DSCAML1: variants seen among roughly 807,000 people sequenced by gnomAD.
DSCAML1 encodes the protein DS cell adhesion molecule like 1.
In DSCAML1, 38 loss-of-function variants were observed where a neutral mutation model predicts 200.5. The ratio of observed to expected loss-of-function variants is 0.19; its 90% CI spans 0.15 to 0.25. The LOEUF (loss-of-function observed/expected upper bound fraction) is 0.25, where lower values mean the gene tolerates loss of function less well. DSCAML1 is among the 10% of genes least tolerant of loss of function. The pLI is 1.00. For synonymous variants in DSCAML1, 1,215 were observed against 1,165.0 expected, an observed-to-expected ratio of 1.04 and a Z score of -0.87; for missense variants, 2,223 against 2,858.8, an observed-to-expected ratio of 0.78 and a Z score of 5.07.
chr11:117,494,066 C>G (rs1447578714), intron 11 of DSCAML1, among the ~76,000 whole-genome samples: 1 of 152,212 alleles, frequency 6.6e-6, no homozygotes, highest in Admixed American at 6.5e-5. Flanking sequence ...TCTCCAAACA[C>G]AGCCCTAAGA....
intron 3 of DSCAML1, among the ~76,000 whole-genome samples, chr11:117,769,001 G>C (rs1343827330): frequency 2.0e-5 from 3 of 147,940 alleles, no homozygotes; most frequent in African/African-American, 7.5e-5. Context: ...ACTTGAACCT[G>C]GGGGGTGGAG....
At chr11:117,789,361 C>T (rs2055417646) in intron 1 of DSCAML1, among the ~76,000 whole-genome samples, 1 of 152,158 alleles carries the variant, frequency 6.6e-6, no homozygotes, top group Non-Finnish European at 1.5e-5. Context: ...TCCAGGGAGT[C>T]AGCTCAGACA....
intron 14 of DSCAML1, among the ~76,000 whole-genome samples, chr11:117,473,534 C>T (rs1428134170): frequency 1.3e-5 from 2 of 151,958 alleles, no homozygotes; most frequent in Non-Finnish European, 2.9e-5. Context: ...AACAGAAAAA[C>T]GTAATGCCTG....
intron 21 of DSCAML1, among the ~76,000 whole-genome samples, chr11:117,443,405 G>A (rs528012863): frequency 2.0e-5 from 3 of 152,336 alleles, no homozygotes; most frequent in African/African-American, 4.8e-5. Context: ...TTCACAGCAC[G>A]CGCTCCGTAA....
intron 3 of DSCAML1, among the ~76,000 whole-genome samples, chr11:117,581,638 G>A (rs1253901979): frequency 9.2e-5 from 14 of 152,240 alleles, no homozygotes; most frequent in Non-Finnish European, 1.3e-4. Flanking sequence ...AGATCCATGC[G>A]TTACTTTTAC....
upstream of DSCAML1, chr11:117,797,328 G>A: frequency 4.0e-6 from 5 of 1,263,260 alleles, no homozygotes; most frequent in Admixed American, 4.2e-5. Context: ...AGCGCCGCGC[G>A]AGCCCGGAGC....
chr11:117,777,265 G>A (rs1436357086), intron 2 of DSCAML1, among the ~76,000 whole-genome samples: 1 of 152,208 alleles, frequency 6.6e-6, no homozygotes, highest in Non-Finnish European at 1.5e-5. Context: ...GATTGTAAAA[G>A]CCTTGAGGGC....
chr11:117,548,015 TGCC>T (rs1179893916), intron 3 of DSCAML1, among the ~76,000 whole-genome samples: 2 of 152,226 alleles, frequency 1.3e-5, no homozygotes, highest in East Asian at 3.9e-4. Context: ...CTGCCTTATG[TGCC>T]GCTTCACTGC....
intron 8 of DSCAML1, among the ~76,000 whole-genome samples, chr11:117,513,058 A>T (rs569450707): frequency 9.2e-5 from 14 of 152,228 alleles, no homozygotes; most frequent in Non-Finnish European, 1.6e-4. Context: ...CTTGCCAGTG[A>T]GGGCTGGCGC....
rs1198765803 is a variant in DSCAML1, at chr11:117,780,319, G to A, written c.364+174C>T. Among the ~76,000 whole-genome samples the A allele has an allele frequency of 7.1e-6, 1 of 141,700 alleles. No individual in the cohort carries two copies. 93.0% of individuals were successfully genotyped at this position (141,700 alleles called of 152,430 possible). A position where few individuals can be genotyped will look rare whatever the true frequency, so the allele number is the denominator to read the frequency against. On this transcript the variant is annotated intron_variant, in intron 2 of 32. Transcript: ENST00000651296. The surrounding 1 kb of genome is among the most constrained non-coding windows in gnomAD (Gnocchi z 4.8). ...AAGAAAGAAAGAGAGAAAGGAGAAA[G>A]AAAGGTGTCTCTTATGCCTATGGAC...
intron 3 of DSCAML1, among the ~76,000 whole-genome samples, chr11:117,633,482 C>T (rs2052216365): frequency 6.6e-6 from 1 of 152,238 alleles, no homozygotes; most frequent in South Asian, 2.1e-4. Flanking sequence ...CCTATCTTAT[C>T]TGCTTTACAC....
In DSCAML1 at chr11:117,764,573, T is replaced by C. The variant is rs1436895411; in HGVS notation, c.511+12218A>G. ...ACTAAAAATCCAATCAACGGATTGT[T>C]GCTTATGCCAACCTAGGCATTTAGA... is the stretch of plus-strand genomic sequence containing the variant. On this transcript the variant is annotated intron_variant, in intron 3 of 32. Transcript: ENST00000651296. Among the ~76,000 whole-genome samples the C allele has an allele frequency of 2.0e-5, 3 of 152,188 alleles. No individual in the cohort carries two copies. The South Asian group carries it at 6.2e-4, about 32-fold the overall frequency.
intron 3 of DSCAML1, among the ~76,000 whole-genome samples, chr11:117,616,799 T>C (rs576899251): frequency 2.6e-5 from 4 of 152,340 alleles, no homozygotes; most frequent in Non-Finnish European, 4.4e-5. Context: ...ACATGTATAT[T>C]AAAACATTTA....
chr11:117,518,407 C>T lies in DSCAML1; in HGVS notation c.1510+59G>A, dbSNP rs748907100. The T allele has an allele frequency of 1.0e-5, 16 of 1,603,760 alleles. No individual in the cohort carries two copies. Among genetic ancestry groups the T allele is most frequent in the Admixed American group, 3.3e-5 (2 of 60,000 alleles). On this transcript the variant is annotated intron_variant, in intron 7 of 32. Transcript: ENST00000651296. This position sits in a 1 kb window ranked among gnomAD's most constrained non-coding sequence, Gnocchi z 6.3. Reference sequence around the variant, plus strand: ...CTAATCAGCACAAGAATAATGGTAACCACAGAGATGGCAAAGGAACTCAAA... The same window carrying T: ...CTAATCAGCACAAGAATAATGGTAATCACAGAGATGGCAAAGGAACTCAAA...
At chr11:117,533,805 G>C (rs539175788) in intron 3 of DSCAML1, among the ~76,000 whole-genome samples, 3 of 151,924 alleles carry the variant, frequency 2.0e-5, no homozygotes, top group Non-Finnish European at 4.4e-5. Context: ...GGACTTGAGG[G>C]TTGGGGGGCG....
chr11:117,623,216 C>CTTTTCT (rs1347519555), intron 3 of DSCAML1, among the ~76,000 whole-genome samples: 3 of 121,112 alleles, frequency 2.5e-5, no homozygotes, highest in African/African-American at 9.3e-5. Flanking sequence ...CTTTTCTTTT[C>CTTTTCT]TTTTTTTTTT....
chr11:117,693,001 A>C (rs549273494), intron 3 of DSCAML1, among the ~76,000 whole-genome samples: 99 of 152,278 alleles, frequency 6.5e-4, no homozygotes, highest in Non-Finnish European at 1.1e-3. Flanking sequence ...TCAGTTTCTC[A>C]AAGTCCCTCC....
chr11:117,517,668 GGTGCCCCTGGATCA>G (rs2049799854), intron 7 of DSCAML1, among the ~76,000 whole-genome samples: 1 of 152,118 alleles, frequency 6.6e-6, no homozygotes, highest in Non-Finnish European at 1.5e-5. Flanking sequence ...GGCAACCAGG[GGTGCCCCTGGATCA>G]GTGCCCCTTC....
intron 3 of DSCAML1, among the ~76,000 whole-genome samples, chr11:117,595,191 G>A (rs988826570): frequency 6.6e-6 from 1 of 152,094 alleles, no homozygotes; most frequent in Non-Finnish European, 1.5e-5. Context: ...AGAGGGGGAG[G>A]GTTGGAAAGT....
Sources: gnomAD v4.1 joint callset for allele counts (sites outside exome capture counted in the v4.1 genomes callset) on GRCh38, gnomAD v4.1.1 for gene constraint, Gnocchi (gnomAD v3.1) non-coding constraint, MANE v1.5 for transcripts, NCBI Gene and HGNC (gene_info 2026-07-23, HGNC 2026-07-21) for gene names.